Variants in RBFOX1 observed in about 807,000 individuals in gnomAD.
RBFOX1 encodes RNA binding fox-1 homolog 1.
In RBFOX1, 8 loss-of-function variants were observed where a neutral mutation model predicts 57.7. The observed-to-expected ratio is 0.14, with a 90% CI of 0.08 to 0.25. The LOEUF (loss-of-function observed/expected upper bound fraction) is 0.25, where lower values mean the gene tolerates loss of function less well. Ranked by LOEUF, RBFOX1 falls within the 10% of genes least tolerant of loss-of-function variation. The pLI is 1.00. For missense variants in RBFOX1, 611 were observed against 548.5 expected (o/e 1.11, Z -1.14); for synonymous variants, 326 against 222.4 (o/e 1.47, Z -4.15).
At chr16:6,839,661 A>T (rs1406340715) in intron 3 of RBFOX1, among the ~76,000 whole-genome samples, 1 of 152,140 alleles carries the variant, frequency 6.6e-6, no homozygotes, top group Non-Finnish European at 1.5e-5. Context: ...TGTTTTTGCA[A>T]ACTCTCCTAT....
chr16:5,360,712 A>C (rs972878948), intron 1 of RBFOX1, among the ~76,000 whole-genome samples: 3 of 152,226 alleles, frequency 2.0e-5, no homozygotes, highest in Non-Finnish European at 4.4e-5. Flanking sequence ...GGCAGGGTTG[A>C]AGGAAAGGCT....
intron 4 of RBFOX1, among the ~76,000 whole-genome samples, chr16:7,110,306 A>T (rs1010859402): frequency 2.0e-5 from 3 of 152,082 alleles, no homozygotes; most frequent in Non-Finnish European, 2.9e-5. Context: ...GGCTGTGGTG[A>T]ACTATGATCA....
intron 1 of RBFOX1, among the ~76,000 whole-genome samples, chr16:6,180,907 T>C (rs765911180): frequency 6.6e-6 from 1 of 152,146 alleles, no homozygotes; most frequent in Admixed American, 6.6e-5. Flanking sequence ...TTTTATATTA[T>C]CTATATAGCT....
intron 2 of RBFOX1, among the ~76,000 whole-genome samples, chr16:6,535,676 G>A (rs2096725414): frequency 6.6e-6 from 1 of 152,164 alleles, no homozygotes; most frequent in Non-Finnish European, 1.5e-5. Flanking sequence ...CCAGGATCCT[G>A]ACCCATGGAC....
At chr16:6,971,248 A>G (rs564925801) in intron 3 of RBFOX1, among the ~76,000 whole-genome samples, 4 of 152,284 alleles carry the variant, frequency 2.6e-5, no homozygotes, top group African/African-American at 9.6e-5. Context: ...TGTTATGGGG[A>G]TGGGATTCTT....
intron 3 of RBFOX1, among the ~76,000 whole-genome samples, chr16:5,701,598 A>AT (rs1479736650): frequency 3.3e-5 from 5 of 151,978 alleles, no homozygotes; most frequent in African/African-American, 1.2e-4. Context: ...CCTGGCTAAT[A>AT]TTTTTTGTAT....
chr16:5,470,686 G>A (rs1040085937), intron 2 of RBFOX1, among the ~76,000 whole-genome samples: 2 of 152,074 alleles, frequency 1.3e-5, no homozygotes, highest in South Asian at 4.2e-4. Context: ...GGACCCCAGA[G>A]AGCTGAGGTA....
intron 3 of RBFOX1, among the ~76,000 whole-genome samples, chr16:6,951,329 T>C (rs1449071659): frequency 6.6e-6 from 1 of 152,162 alleles, no homozygotes; most frequent in African/African-American, 2.4e-5. Context: ...TCATTGTCAT[T>C]ATTGTCTGAG....
chr16:7,479,360 G>T (rs1350981622), intron 4 of RBFOX1, among the ~76,000 whole-genome samples: 2 of 151,994 alleles, frequency 1.3e-5, no homozygotes, highest in African/African-American at 4.8e-5. Context: ...TGAACTCCTG[G>T]GCTCAGTGTA....
At chr16:7,139,771 A>G (rs2152088965) in intron 4 of RBFOX1, among the ~76,000 whole-genome samples, 1 of 151,714 alleles carries the variant, frequency 6.6e-6, no homozygotes, top group African/African-American at 2.4e-5. Context: ...TTTTTTTTTT[A>G]AGTTCATCGG....
chr16:7,107,559 C>A (rs1452443505), intron 4 of RBFOX1, among the ~76,000 whole-genome samples: 1 of 152,032 alleles, frequency 6.6e-6, no homozygotes, highest in Non-Finnish European at 1.5e-5. Context: ...ACAAACTTGA[C>A]TGTAATCAAG....
intron 4 of RBFOX1, among the ~76,000 whole-genome samples, chr16:5,908,291 CAT>C (rs113093123): frequency 1.1e-4 from 15 of 141,650 alleles, no homozygotes; most frequent in South Asian, 2.2e-4. Flanking sequence ...TATATATACA[CAT>C]ATATATATAC....
At chr16:6,514,034 C>T (rs1301554446) in intron 2 of RBFOX1, among the ~76,000 whole-genome samples, 1 of 152,196 alleles carries the variant, frequency 6.6e-6, no homozygotes, top group African/African-American at 2.4e-5. Context: ...AGAATCAACA[C>T]CTCAAGGCAT....
rs143060495 is a variant in RBFOX1, at chr16:7,499,797, T to C, written c.28-18350T>C. On this transcript the variant is annotated intron_variant, in intron 4 of 15. Coordinates refer to ENST00000550418, the MANE Select transcript of RBFOX1 (RefSeq NM_018723.4). The stretch of plus-strand genomic sequence containing the variant: ...CGATCAGCCTCAGTTTCCTTAGCAT[T>C]ATCTACTTCGCAGTTGTTGAGACAA... 2.0e-3 allele frequency among the ~76,000 whole-genome samples: 310 copies of C among 152,182 alleles called. 2 individuals carry two copies. The highest frequency in any genetic ancestry group is 2.5e-4 in the Non-Finnish European group (17 of 68,026).
At chr16:6,788,375 C>T (rs1255055987) in intron 3 of RBFOX1, among the ~76,000 whole-genome samples, 1 of 152,026 alleles carries the variant, frequency 6.6e-6, no homozygotes, top group Non-Finnish European at 1.5e-5. Context: ...TACCTTGTAA[C>T]TAGTTTCATA....
intron 7 of RBFOX1, among the ~76,000 whole-genome samples, chr16:7,590,307 T>C (rs2094375382): frequency 1.3e-5 from 2 of 152,044 alleles, no homozygotes; most frequent in South Asian, 4.1e-4. Context: ...AGATCCAGTA[T>C]CTATATTCCA....
chr16:7,537,034 C>G (rs1052876122), intron 5 of RBFOX1, among the ~76,000 whole-genome samples: 1 of 152,198 alleles, frequency 6.6e-6, no homozygotes, highest in East Asian at 1.9e-4. Flanking sequence ...CTGGCCTCAT[C>G]TGGGGGCTTT....
At chr16:5,544,011 C>G (rs1052693115) in intron 2 of RBFOX1, among the ~76,000 whole-genome samples, 3 of 152,154 alleles carry the variant, frequency 2.0e-5, no homozygotes, top group African/African-American at 4.8e-5. Context: ...ACAATTGATA[C>G]AGAGAGTAGA....
chr16:7,708,288 C>T (rs2083160236), intron 14 of RBFOX1, among the ~76,000 whole-genome samples: 2 of 152,118 alleles, frequency 1.3e-5, no homozygotes, highest in Admixed American at 1.3e-4. Flanking sequence ...AGGCATTCAG[C>T]ACGTTTGGTT....
Sources: allele counts gnomAD v4.1 joint callset (sites outside exome capture counted in the v4.1 genomes callset), GRCh38; gene constraint gnomAD v4.1.1; transcripts MANE v1.5; gene names NCBI Gene and HGNC (gene_info 2026-07-23, HGNC 2026-07-21).